Variants in LDAH observed in about 807,000 individuals in gnomAD.
The protein encoded by LDAH is lipid droplet-associated hydrolase.
Under a neutral mutation model 29.6 loss-of-function variants are expected in LDAH, and 26 were observed. The ratio of observed to expected loss-of-function variants is 0.88; its 90% CI spans 0.64 to 1.22. LDAH has a LOEUF of 1.22. LDAH is among the 50% of genes most tolerant of loss of function. The probability of loss-of-function intolerance (pLI) is 0.00; values close to 1 mark genes in which losing one functional copy is unlikely to be tolerated. For missense variants in LDAH, 344 were observed against 387.3 expected, an observed-to-expected ratio of 0.89 and a Z score of 0.94; for synonymous variants, 117 against 133.0, an observed-to-expected ratio of 0.88 and a Z score of 0.83.
intron 5 of LDAH, among the ~76,000 whole-genome samples, chr2:20,718,232 A>T (rs1665383642): frequency 6.6e-6 from 1 of 152,194 alleles, no homozygotes; most frequent in Non-Finnish European, 1.5e-5. Context: ...TGAATGGATT[A>T]AAAAACAAGA....
At chr2:20,722,328 C>T (rs988700069) in intron 5 of LDAH, among the ~76,000 whole-genome samples, 5 of 141,956 alleles carry the variant, frequency 3.5e-5, no homozygotes, top group Admixed American at 1.6e-4. Context: ...TGCAGTGAGC[C>T]GAGATTGCGC....
At position 20,820,402 on chromosome 2, in the gene LDAH, G is replaced by T. The variant is rs1482577776; in HGVS notation, c.-3+2635C>A. Among the ~76,000 whole-genome samples the T allele has an allele frequency of 8.8e-3, 1,344 of 152,150 alleles. 15 individuals are homozygous for T. The highest frequency in any genetic ancestry group is 0.031 in the African/African-American group (1,268 of 41,556). On this transcript the variant is annotated intron_variant, in intron 1 of 6. Coordinates refer to ENST00000237822, the MANE Select transcript of LDAH (RefSeq NM_021925.4). ...ACAGTAACCAAAACAGCATGGTACTGGTACCAAAACAGAGATATAGATCAA... is the reference window on the plus strand; with the variant it reads ...ACAGTAACCAAAACAGCATGGTACTTGTACCAAAACAGAGATATAGATCAA...
At chr2:20,775,140 A>C (rs1427111682) in intron 3 of LDAH, among the ~76,000 whole-genome samples, 161 bp from the exon 4 acceptor site, 2 of 152,236 alleles carry the variant, frequency 1.3e-5, no homozygotes, top group Non-Finnish European at 2.9e-5. Context: ...ACTAATTTTC[A>C]CAACAATTTT....
chr2:20,707,706 C>T (rs1429208899), intron 5 of LDAH, among the ~76,000 whole-genome samples: 1 of 152,098 alleles, frequency 6.6e-6, no homozygotes, highest in East Asian at 1.9e-4. Context: ...GGGAATAATC[C>T]CTGAATTGAG....
intron 3 of LDAH, 45 bp downstream of exon 3, chr2:20,790,210 C>T: frequency 1.2e-6 from 2 of 1,603,142 alleles, no homozygotes; most frequent in Non-Finnish European, 1.7e-6. Context: ...AGAAACATGA[C>T]CCTGCACTCA....
intron 2 of LDAH, 79 bp downstream of exon 2, chr2:20,801,231 C>A: frequency 2.1e-6 from 3 of 1,450,984 alleles, no homozygotes; most frequent in Non-Finnish European, 2.8e-6. Flanking sequence ...TCCATATTTA[C>A]CAAATTCTCT....
Position 20,684,851 on chromosome 2 carries a change from C to CT in LDAH, c.*2051dup. On this transcript the variant is annotated 3_prime_UTR_variant, in exon 7 of 7. Transcript: ENST00000237822. ...GCTTCTGGAAAATGGATTTCTTCCA[C>CT]TGTTTGTCCATTTTAGTCTAATCCC... 6.5e-7 allele frequency: 1 copy of CT among 1,541,860 alleles called. No homozygotes were observed. The highest frequency in any genetic ancestry group is 8.7e-7 in the Non-Finnish European group (1 of 1,142,956).
chr2:20,743,174 T>A (rs1159168639), intron 4 of LDAH, among the ~76,000 whole-genome samples: 5 of 152,190 alleles, frequency 3.3e-5, no homozygotes, highest in African/African-American at 4.8e-5. Context: ...TTTCTGCCTT[T>A]TGTGGTTTTA....
intron 5 of LDAH, among the ~76,000 whole-genome samples, chr2:20,712,478 C>T (rs894260724): frequency 1.3e-5 from 2 of 152,192 alleles, no homozygotes; most frequent in Non-Finnish European, 2.9e-5. Flanking sequence ...AGTGGCTCTT[C>T]TACTCCAAAG....
chr2:20,749,745 C>T (rs1433769481), intron 4 of LDAH, among the ~76,000 whole-genome samples: 3 of 152,200 alleles, frequency 2.0e-5, no homozygotes, highest in Admixed American at 6.5e-5. Context: ...AGTTAACTCA[C>T]AGAGAAAAGG....
intron 4 of LDAH, among the ~76,000 whole-genome samples, chr2:20,765,224 G>A (rs2124975546): frequency 6.6e-6 from 1 of 152,086 alleles, no homozygotes; most frequent in East Asian, 1.9e-4. Flanking sequence ...TCTACGCTTG[G>A]GCTGTTCCTC....
intron 3 of LDAH, chr2:20,789,375 G>A (rs980773465): frequency 4.0e-6 from 6 of 1,492,600 alleles, no homozygotes; most frequent in Admixed American, 2.3e-5. Context: ...ATCAGACATC[G>A]AATCTGCCAG....
At chr2:20,706,914 G>C (rs1664347306) in intron 5 of LDAH, among the ~76,000 whole-genome samples, 1 of 152,192 alleles carries the variant, frequency 6.6e-6, no homozygotes, top group African/African-American at 2.4e-5. Flanking sequence ...GTTGATAAGT[G>C]CATTAATTGT....
intron 4 of LDAH, among the ~76,000 whole-genome samples, chr2:20,742,715 C>A (rs932548671): frequency 1.3e-5 from 2 of 151,598 alleles, no homozygotes; most frequent in Non-Finnish European, 2.9e-5. Flanking sequence ...TTCTTGTAAA[C>A]AACATACAGT....
intron 3 of LDAH, among the ~76,000 whole-genome samples, chr2:20,786,937 C>T (rs1670597506): frequency 6.6e-6 from 1 of 152,156 alleles, no homozygotes; most frequent in Non-Finnish European, 1.5e-5. Flanking sequence ...ATGCTTACTT[C>T]TCTTCCACTC....
At chr2:20,708,827 G>A (rs931915430) in intron 5 of LDAH, among the ~76,000 whole-genome samples, 1 of 151,942 alleles carries the variant, frequency 6.6e-6, no homozygotes, top group Non-Finnish European at 1.5e-5. Context: ...TAAATAAATT[G>A]GACTTCATCA....
At chr2:20,779,232 C>A (rs148057084) in intron 3 of LDAH, among the ~76,000 whole-genome samples, 3 of 152,096 alleles carry the variant, frequency 2.0e-5, no homozygotes, top group South Asian at 2.1e-4. Context: ...TTAAAGAATT[C>A]TTTGATCAAG....
chr2:20,813,949 G>C (rs1312176840), intron 1 of LDAH, among the ~76,000 whole-genome samples: 3 of 152,054 alleles, frequency 2.0e-5, no homozygotes, highest in African/African-American at 7.2e-5. Flanking sequence ...GTATAATGCA[G>C]ATACTAACTC....
intron 1 of LDAH, among the ~76,000 whole-genome samples, chr2:20,818,001 G>A (rs1672971790): frequency 6.6e-6 from 1 of 152,164 alleles, no homozygotes; most frequent in Admixed American, 6.5e-5. Flanking sequence ...GGCAGCATAA[G>A]GGAGCCTTGT....
Sources: gnomAD v4.1 joint callset for allele counts (sites outside exome capture counted in the v4.1 genomes callset) on GRCh38, gnomAD v4.1.1 for gene constraint, MANE v1.5 for transcripts, NCBI Gene and HGNC (gene_info 2026-07-23, HGNC 2026-07-21) for gene names.